TMEM67: variants seen among roughly 807,000 people sequenced by gnomAD.
TMEM67 encodes meckelin.
TMEM67 carries 124 observed loss-of-function variants against 136.6 expected under a neutral mutation model. That is an observed-to-expected ratio of 0.91 (90% CI 0.78 to 1.05). The LOEUF (loss-of-function observed/expected upper bound fraction) is 1.05, where lower values mean the gene tolerates loss of function less well. Among genes scored for constraint, TMEM67 ranks in the 50% least tolerant of loss-of-function variants. The pLI is 0.00. For synonymous variants in TMEM67, 364 were observed against 390.5 expected, an observed-to-expected ratio of 0.93 and a Z score of 0.80; for missense variants, 1,107 against 1,178.4, an observed-to-expected ratio of 0.94 and a Z score of 0.89.
At chr8:93,798,076 C>G (rs1305943507) in intron 20 of TMEM67, among the ~76,000 whole-genome samples, 1 of 152,124 alleles carries the variant, frequency 6.6e-6, no homozygotes, top group Non-Finnish European at 1.5e-5. Context: ...CTTCATCTTG[C>G]AAAACTGAAA....
intron 26 of TMEM67, among the ~76,000 whole-genome samples, chr8:93,813,243 A>G (rs942228540): frequency 2.6e-5 from 4 of 151,602 alleles, no homozygotes; most frequent in African/African-American, 9.7e-5. Context: ...CAGTGGCACA[A>G]TCTCGGCTCA....
chr8:93,797,569 C>A, intron 20 of TMEM67, 99 bp downstream of exon 20: 1 of 1,163,878 alleles, frequency 8.6e-7, no homozygotes, highest in Non-Finnish European at 1.3e-6. Flanking sequence ...TGGAAGATTT[C>A]TCTAAAGGTT....
chr8:93,788,614 C>T (rs1404344568), intron 14 of TMEM67, among the ~76,000 whole-genome samples: 1 of 152,118 alleles, frequency 6.6e-6, no homozygotes, highest in African/African-American at 2.4e-5. Context: ...AAGCCAGGAA[C>T]TCAGACTTTA....
At chr8:93,797,552 A>G in intron 20 of TMEM67, 82 bp downstream of exon 20, 1 of 1,343,974 alleles carries the variant, frequency 7.4e-7, no homozygotes, top group Non-Finnish European at 1.0e-6. Flanking sequence ...CTAAGTTTTC[A>G]TGACAGTGGA....
intron 6 of TMEM67, among the ~76,000 whole-genome samples, chr8:93,769,120 TC>T (rs1284945696): frequency 6.6e-6 from 1 of 151,936 alleles, no homozygotes; most frequent in Non-Finnish European, 1.5e-5. Flanking sequence ...CCTGGAACAC[TC>T]CAGGAGCACT....
intron 25 of TMEM67, 141 bp downstream of exon 25, chr8:93,809,302 G>T: frequency 3.0e-6 from 2 of 673,310 alleles, no homozygotes; most frequent in Admixed American, 2.3e-5. Flanking sequence ...TTTTTTGTCT[G>T]TCACATTCAA....
Position 93,797,387 on chromosome 8 carries a change from G to A in TMEM67, c.2017G>A (p.Val673Ile), listed in dbSNP as rs774235280. ...VPVSIWRTYF[V>I]ANEWNEIQTV... is the part of the protein sequence containing the mutation. ...TGTAAGCATATGGAGAACATATTTT[G>A]TAGCAAATGAATGGAATGAAATTCA... The change falls in exon 20 of 28, where the codon GTA becomes ATA. Residue 673 changes from valine (V) to isoleucine (I), a missense_variant. Val to Ile is a conservative substitution (Grantham distance 29). Coordinates refer to ENST00000453321, the MANE Select transcript of TMEM67 (RefSeq NM_153704.6). The A allele has an allele frequency of 3.7e-6, 6 of 1,614,034 alleles. No individual in the cohort carries two copies. The highest frequency in any genetic ancestry group is 1.7e-4 in the Middle Eastern group (1 of 6,060).
At chr8:93,795,072 A>G (rs1216325615) in intron 16 of TMEM67, 3 of 333,174 alleles carry the variant, frequency 9.0e-6, no homozygotes, top group Non-Finnish European at 1.1e-5. Flanking sequence ...TCCAATTTAC[A>G]TCTTAGAAAA....
chr8:93,800,930 A>C (rs1563475043), intron 21 of TMEM67, among the ~76,000 whole-genome samples: 1 of 151,718 alleles, frequency 6.6e-6, no homozygotes, highest in Non-Finnish European at 1.5e-5. Flanking sequence ...TTCTTGAAAT[A>C]TTTATTAAAA....
intron 2 of TMEM67, 179 bp downstream of exon 2, chr8:93,756,045 G>T (rs1385183672): frequency 2.0e-6 from 1 of 490,698 alleles, no homozygotes; most frequent in African/African-American, 2.0e-5. Flanking sequence ...CAAACTTGGA[G>T]AAAACAGAAA....
chr8:93,789,049 CTCT>C (rs754187469), intron 14 of TMEM67, among the ~76,000 whole-genome samples: 1 of 152,180 alleles, frequency 6.6e-6, no homozygotes, highest in Non-Finnish European at 1.5e-5. Flanking sequence ...AGTGGCTATT[CTCT>C]TCTTTCTCTA....
rs1420027196 is a variant in TMEM67, at chr8:93,795,911, CTG to C, written c.1788_1789del (p.Ser597CysfsTer30). 1.2e-6 allele frequency: 2 copies of C among 1,603,718 alleles called. No individual in the cohort carries two copies. The highest frequency in any genetic ancestry group is 1.7e-6 in the Non-Finnish European group (2 of 1,170,852). Reference sequence around the variant, plus strand: ...TAATTTTTATTATAGGCACAGAAGTCTGTGTCTGTTTTGCTGCCAATGCCAAT... The same window carrying C: ...TAATTTTTATTATAGGCACAGAAGTCTGTCTGTTTTGCTGCCAATGCCAAT... On this transcript the variant is annotated frameshift_variant, in exon 18 of 28. Transcript: ENST00000453321. LOFTEE classifies it high-confidence loss of function.
rs545189546 is a variant in TMEM67, at chr8:93,797,475, A to G, written c.2100+5A>G. The stretch of plus-strand genomic sequence containing the variant: ...ACTGTCCTCTTCTTTTTGGAGGTAT[A>G]AACTGTTTGATGTGATTATATGCGA... On this transcript the variant is annotated splice_donor_5th_base_variant and intron_variant, in intron 20 of 27. Coordinates refer to ENST00000453321, the MANE Select transcript of TMEM67 (RefSeq NM_153704.6). 6.6e-5 allele frequency: 106 copies of G among 1,612,704 alleles called. No individual in the cohort carries two copies. The highest frequency in any genetic ancestry group is 2.0e-4 in the South Asian group (18 of 90,934).
At chr8:93,761,613 T>C (rs562555994) in intron 3 of TMEM67, among the ~76,000 whole-genome samples, 1 of 152,304 alleles carries the variant, frequency 6.6e-6, no homozygotes, top group African/African-American at 2.4e-5. Flanking sequence ...AATTAAATTA[T>C]GATATAGTCA....
At chr8:93,789,663 TA>T (rs1429065589) in intron 14 of TMEM67, among the ~76,000 whole-genome samples, 2 of 33,734 alleles carry the variant, frequency 5.9e-5, no homozygotes, top group Non-Finnish European at 2.3e-4. Flanking sequence ...TATATATATA[TA>T]TATATATTTT....
At chr8:93,776,439 A>G (rs1813544453) in intron 7 of TMEM67, among the ~76,000 whole-genome samples, 1 of 152,206 alleles carries the variant, frequency 6.6e-6, no homozygotes, top group South Asian at 2.1e-4. Flanking sequence ...CAGTTTTCAA[A>G]GGGAATGCTT....
chr8:93,822,064 G>A (rs951533114), downstream of TMEM67, among the ~76,000 whole-genome samples: 4 of 152,020 alleles, frequency 2.6e-5, no homozygotes, highest in African/African-American at 9.7e-5. Flanking sequence ...AGAATGAAAA[G>A]GCAAACCTCA....
Position 93,785,368 on chromosome 8 carries a change from T to C in TMEM67, c.1278T>C (p.Phe426=). 6.2e-7 allele frequency: 1 copy of C among 1,612,708 alleles called. No individual in the cohort carries two copies. Among genetic ancestry groups the C allele is most frequent in the South Asian group, 1.1e-5 (1 of 90,990 alleles). The change falls in exon 12 of 28, where the codon TTT becomes TTC. Residue 426 remains phenylalanine (F), a synonymous_variant. Transcript: ENST00000453321. ...LNLNLQHNKI[F]VNQDSNSGKW... ...TAAATCTTCAACATAATAAGATATTTGTGAACCAAGGTAAGACATCCATAC... is the reference window on the plus strand; with the variant it reads ...TAAATCTTCAACATAATAAGATATTCGTGAACCAAGGTAAGACATCCATAC...
chr8:93,805,014 C>T, intron 23 of TMEM67, 136 bp downstream of exon 23: 1 of 605,794 alleles, frequency 1.7e-6, no homozygotes, highest in Non-Finnish European at 3.0e-6. Context: ...CCTCTGTCAC[C>T]CAGGCTGGAG....
Sources: allele counts gnomAD v4.1 joint callset (sites outside exome capture counted in the v4.1 genomes callset), GRCh38; gene constraint gnomAD v4.1.1; transcripts MANE v1.5; gene names NCBI Gene and HGNC (gene_info 2026-07-23, HGNC 2026-07-21).